Variants in TRPM3 observed in about 807,000 individuals in gnomAD.
The protein encoded by TRPM3 is long transient receptor potential channel 3.
TRPM3 carries 77 observed loss-of-function variants against 181.2 expected under a neutral mutation model. That is an observed-to-expected ratio of 0.42 (90% CI 0.35 to 0.51). The LOEUF is 0.51. Ranked by LOEUF, TRPM3 falls within the 20% of genes least tolerant of loss-of-function variation. The pLI, the probability that TRPM3 is intolerant of heterozygous loss-of-function variation, is 0.01. For synonymous variants in TRPM3, 745 were observed against 796.4 expected (o/e 0.94, Z 1.09); for missense variants, 1,759 against 2,196.7 (o/e 0.80, Z 3.98).
intron 1 of TRPM3, among the ~76,000 whole-genome samples, chr9:71,145,915 T>C (rs201927525): frequency 1.1e-5 from 1 of 94,458 alleles, no homozygotes; most frequent in East Asian, 4.0e-4. Flanking sequence ...TCAAGTTTGG[T>C]TAAAAAAAAA....
chr9:70,625,436 A>C lies in TRPM3; in HGVS notation c.1668+46T>G. On this transcript the variant is annotated intron_variant, in intron 13 of 25. Transcript: ENST00000677713. This position sits in a 1 kb window ranked among gnomAD's most constrained non-coding sequence, Gnocchi z 4.8. Reference sequence around the variant, plus strand: ...AACTAGAGTAAAAAAAAAATAATGAAAAAAGAAACATATGAATGTATTATT... The same window carrying C: ...AACTAGAGTAAAAAAAAAATAATGACAAAAGAAACATATGAATGTATTATT... The C allele has an allele frequency of 6.3e-7, 1 of 1,590,314 alleles. No individual in the cohort carries two copies. The highest frequency in any genetic ancestry group is 8.5e-7 in the Non-Finnish European group (1 of 1,171,608).
chr9:70,746,097 C>A (rs796629723), intron 8 of TRPM3, among the ~76,000 whole-genome samples: 4 of 152,260 alleles, frequency 2.6e-5, no homozygotes, highest in African/African-American at 7.2e-5. Context: ...TGGGTACTGA[C>A]AATTCTGAGG....
chr9:70,853,651 T>C (rs1365454143), intron 3 of TRPM3, among the ~76,000 whole-genome samples: 2 of 152,212 alleles, frequency 1.3e-5, no homozygotes, highest in Non-Finnish European at 2.9e-5. Context: ...TTTTGACCAG[T>C]ACTAATTCTT....
At chr9:71,241,340 T>A (rs185627807) in intron 1 of TRPM3, among the ~76,000 whole-genome samples, 1 of 152,230 alleles carries the variant, frequency 6.6e-6, no homozygotes, top group Non-Finnish European at 1.5e-5. Flanking sequence ...TAACTGAATC[T>A]AGCCAAAAAT....
chr9:70,816,118 AAACT>A (rs1241930857), intron 6 of TRPM3, among the ~76,000 whole-genome samples: 1 of 152,230 alleles, frequency 6.6e-6, no homozygotes, highest in Non-Finnish European at 1.5e-5. Context: ...TATATGAAAA[AAACT>A]AACTAGAGTT....
At chr9:71,241,196 C>T (rs968248141) in intron 1 of TRPM3, among the ~76,000 whole-genome samples, 5 of 152,142 alleles carry the variant, frequency 3.3e-5, no homozygotes, top group East Asian at 1.9e-4. Flanking sequence ...CTCAGGTAAT[C>T]GCACACTCAC....
At chr9:71,296,988 C>CTT (rs398010878) in intron 1 of TRPM3, among the ~76,000 whole-genome samples, 3,492 of 97,810 alleles carry the variant, frequency 0.036, 284 homozygotes, top group African/African-American at 0.12. Flanking sequence ...TGAATCTTTT[C>CTT]TTTTTTTTTT....
intron 12 of TRPM3, among the ~76,000 whole-genome samples, chr9:70,628,244 G>A (rs756261846): frequency 1.3e-5 from 2 of 152,132 alleles, no homozygotes; most frequent in Non-Finnish European, 2.9e-5. Context: ...GGGGATGACC[G>A]CCCGAGGATG....
intron 1 of TRPM3, among the ~76,000 whole-genome samples, chr9:71,189,193 A>C (rs1029382213): frequency 1.1e-4 from 17 of 151,828 alleles, no homozygotes; most frequent in Non-Finnish European, 2.2e-4. Context: ...TTAAACTCAA[A>C]CACCCAAAAA....
At chr9:71,177,973 A>G (rs1185745640) in intron 1 of TRPM3, among the ~76,000 whole-genome samples, 1 of 149,834 alleles carries the variant, frequency 6.7e-6, no homozygotes, top group Non-Finnish European at 1.5e-5. Flanking sequence ...TTCCTTTGCT[A>G]GCAGATGTTT....
At chr9:71,302,312 A>G (rs2086855114) in intron 1 of TRPM3, among the ~76,000 whole-genome samples, 1 of 152,202 alleles carries the variant, frequency 6.6e-6, no homozygotes, top group Non-Finnish European at 1.5e-5. Context: ...ATCACCTACT[A>G]TTTTATGACC....
intron 1 of TRPM3, among the ~76,000 whole-genome samples, chr9:71,438,603 G>C (rs2094085753): frequency 6.6e-6 from 1 of 152,180 alleles, no homozygotes; most frequent in Admixed American, 6.5e-5. Flanking sequence ...AGCCCGGGAG[G>C]CTGAGGCTGC....
chr9:70,667,911 C>T (rs1471245646), intron 9 of TRPM3, among the ~76,000 whole-genome samples: 3 of 152,174 alleles, frequency 2.0e-5, no homozygotes, highest in Non-Finnish European at 4.4e-5. Context: ...GATAGTTAGT[C>T]TTCCAGTGTA....
At chr9:71,393,968 G>T (rs536702495) in intron 1 of TRPM3, among the ~76,000 whole-genome samples, 2 of 152,122 alleles carry the variant, frequency 1.3e-5, no homozygotes, top group African/African-American at 4.8e-5. Context: ...TCTTCAGGAG[G>T]TCTGGAGACC....
intron 8 of TRPM3, among the ~76,000 whole-genome samples, chr9:70,687,955 C>T (rs2067410550): frequency 6.6e-6 from 1 of 152,198 alleles, no homozygotes; most frequent in South Asian, 2.1e-4. Context: ...GAAGACAGAG[C>T]AAAAGTAAGT....
chr9:71,275,385 A>G (rs1468772972), intron 1 of TRPM3, among the ~76,000 whole-genome samples: 1 of 152,234 alleles, frequency 6.6e-6, no homozygotes, highest in Non-Finnish European at 1.5e-5. Flanking sequence ...ATAAAAGAAT[A>G]GTGTAAGTGA....
intron 22 of TRPM3, among the ~76,000 whole-genome samples, chr9:70,575,754 T>G (rs2053765851): frequency 6.6e-6 from 1 of 152,168 alleles, no homozygotes; most frequent in Non-Finnish European, 1.5e-5. Context: ...TTGCCCAAGG[T>G]CGCAGGGTTA....
chr9:71,151,940 A>G (rs2075758022), intron 1 of TRPM3, among the ~76,000 whole-genome samples: 1 of 152,160 alleles, frequency 6.6e-6, no homozygotes, highest in Admixed American at 6.5e-5. Flanking sequence ...CCATCAACAA[A>G]TGAAAAATGT....
At chr9:71,445,976 A>C (rs941226581) in intron 1 of TRPM3, among the ~76,000 whole-genome samples, 3 of 152,224 alleles carry the variant, frequency 2.0e-5, no homozygotes, top group African/African-American at 7.2e-5. Context: ...GTTTTTTATC[A>C]ACTGCACTTC....
Sources: allele counts gnomAD v4.1 joint callset (sites outside exome capture counted in the v4.1 genomes callset), GRCh38; gene constraint gnomAD v4.1.1; non-coding constraint Gnocchi (gnomAD v3.1); transcripts MANE v1.5; gene names NCBI Gene and HGNC (gene_info 2026-07-23, HGNC 2026-07-21).